Variants in GALNT17 observed in about 807,000 individuals in gnomAD.
GALNT17 encodes UDP-GalNAc:polypeptide N-acetylgalactosaminyltransferase-like 3.
GALNT17 carries 29 observed loss-of-function variants against 63.7 expected under a neutral mutation model. That is an observed-to-expected ratio of 0.46 (90% CI 0.34 to 0.62). The LOEUF (loss-of-function observed/expected upper bound fraction) is 0.62, where lower values mean the gene tolerates loss of function less well. Among genes scored for constraint, GALNT17 ranks in the 20% least tolerant of loss-of-function variants. The pLI, the probability that GALNT17 is intolerant of heterozygous loss-of-function variation, is 0.01. For synonymous variants in GALNT17, 305 were observed against 318.3 expected (o/e 0.96, Z 0.45); for missense variants, 603 against 799.6 (o/e 0.75, Z 2.97).
At chr7:71,287,944 T>C (rs113565616) in intron 1 of GALNT17, among the ~76,000 whole-genome samples, 2,731 of 148,056 alleles carry the variant, frequency 0.018, 75 homozygotes, top group African/African-American at 0.064. Context: ...CCCAGCTACT[T>C]GGGAGGCTGA....
intron 10 of GALNT17, 34 bp downstream of exon 10, chr7:71,710,962 G>T: frequency 6.2e-7 from 1 of 1,606,180 alleles, no homozygotes; most frequent in Non-Finnish European, 8.5e-7. Flanking sequence ...AGCACCCAGA[G>T]TAGCTGCAAG....
intron 6 of GALNT17, among the ~76,000 whole-genome samples, chr7:71,573,898 A>C (rs1789492715): frequency 1.3e-5 from 2 of 152,144 alleles, no homozygotes; most frequent in Admixed American, 1.3e-4. Flanking sequence ...CTCAATGTTC[A>C]GTTCCCACTT....
intron 1 of GALNT17, among the ~76,000 whole-genome samples, chr7:71,225,328 C>A (rs1275473781): frequency 6.6e-6 from 1 of 152,182 alleles, no homozygotes; most frequent in Non-Finnish European, 1.5e-5. Flanking sequence ...GTAGAGCATG[C>A]ACTAGGGATT....
chr7:71,464,306 T>G (rs113056731), intron 5 of GALNT17, among the ~76,000 whole-genome samples: 66 of 152,294 alleles, frequency 4.3e-4, no homozygotes, highest in African/African-American at 1.5e-3. Context: ...TTTTGCAGGA[T>G]TCTTACTAAA....
intron 5 of GALNT17, among the ~76,000 whole-genome samples, chr7:71,569,588 T>C (rs1338068767): frequency 6.6e-6 from 1 of 152,194 alleles, no homozygotes; most frequent in Non-Finnish European, 1.5e-5. Flanking sequence ...ATGCATTGCA[T>C]TTTCAAAGGA....
At chr7:71,268,241 C>T (rs1790525654) in intron 1 of GALNT17, among the ~76,000 whole-genome samples, 1 of 151,988 alleles carries the variant, frequency 6.6e-6, no homozygotes, top group African/African-American at 2.4e-5. Context: ...AGCAAACCCC[C>T]CATACAGATT....
At chr7:71,342,991 ATG>A (rs1792032159) in intron 2 of GALNT17, among the ~76,000 whole-genome samples, 1 of 152,220 alleles carries the variant, frequency 6.6e-6, no homozygotes, top group Non-Finnish European at 1.5e-5. Flanking sequence ...TCTGGCCACT[ATG>A]TGTTGGGTAA....
chr7:71,137,347 G>T (rs937724763), intron 1 of GALNT17, among the ~76,000 whole-genome samples: 1 of 151,106 alleles, frequency 6.6e-6, no homozygotes, highest in South Asian at 2.1e-4. Flanking sequence ...CACCGTGTTC[G>T]CCAGGATGGT....
At chr7:71,567,793 G>A (rs1789374168) in intron 5 of GALNT17, among the ~76,000 whole-genome samples, 1 of 152,154 alleles carries the variant, frequency 6.6e-6, no homozygotes, top group Admixed American at 6.5e-5. Flanking sequence ...AATCTAGAGT[G>A]CTCCATTGAC....
intron 5 of GALNT17, among the ~76,000 whole-genome samples, chr7:71,552,461 G>A (rs1403352324): frequency 6.8e-6 from 1 of 147,490 alleles, no homozygotes; most frequent in Non-Finnish European, 1.5e-5. Flanking sequence ...TTTTTTTTGA[G>A]ATGGAGTCTC....
chr7:71,553,329 TA>T lies in GALNT17; in HGVS notation c.963-17943del, dbSNP rs111305688. The stretch of plus-strand genomic sequence containing the variant: ...GGGACAGAGCAAGACCTTGTCTCTT[TA>T]AAAAAAAAAAAATTTTCCAGCTTTT... On this transcript the variant is annotated intron_variant, in intron 5 of 10. Coordinates refer to ENST00000333538, the MANE Select transcript of GALNT17 (RefSeq NM_022479.3). Among the ~76,000 whole-genome samples, 572 of 146,058 alleles carry T rather than the reference TA, an allele frequency of 3.9e-3. 3 individuals are homozygous for T. The highest frequency in any genetic ancestry group is 7.0e-3 in the Middle Eastern group (2 of 284).
At position 71,526,558 on chromosome 7, in the gene GALNT17, C is replaced by T. The variant is rs143599708; in HGVS notation, c.963-44727C>T. 9.1e-3 allele frequency among the ~76,000 whole-genome samples: 1,385 copies of T among 152,104 alleles called. 11 individuals are homozygous for T. Among genetic ancestry groups the T allele is most frequent in the Non-Finnish European group, 0.014 (981 of 67,982 alleles). Reference sequence around the variant, plus strand: ...TTTTGGAGACAGAGTCTCTCTCTGTCGCCCAGGCTGGAGTGCAGTGGCACG... The same window carrying T: ...TTTTGGAGACAGAGTCTCTCTCTGTTGCCCAGGCTGGAGTGCAGTGGCACG... On this transcript the variant is annotated intron_variant, in intron 5 of 10. Coordinates refer to ENST00000333538, the MANE Select transcript of GALNT17 (RefSeq NM_022479.3).
intron 1 of GALNT17, among the ~76,000 whole-genome samples, chr7:71,176,109 A>T (rs1054591740): frequency 2.6e-5 from 4 of 152,000 alleles, no homozygotes; most frequent in African/African-American, 9.7e-5. Context: ...TGGCCTCGAC[A>T]TGTGGCCTGG....
chr7:71,420,866 G>T, intron 4 of GALNT17, 42 bp from the exon 5 acceptor site: 2 of 1,605,624 alleles, frequency 1.2e-6, no homozygotes, highest in South Asian at 1.1e-5. Context: ...TGTGCCTCAC[G>T]GGAGAGAAGA....
At chr7:71,529,602 G>A (rs1788681251) in intron 5 of GALNT17, among the ~76,000 whole-genome samples, 1 of 152,302 alleles carries the variant, frequency 6.6e-6, no homozygotes, top group East Asian at 1.9e-4. Flanking sequence ...GCTTCCATTT[G>A]GTGGCAGTGA....
chr7:71,257,332 T>A (rs896307650), intron 1 of GALNT17, among the ~76,000 whole-genome samples: 1 of 152,198 alleles, frequency 6.6e-6, no homozygotes. Flanking sequence ...TTAGTCAGGG[T>A]GTCCATTATG....
intron 9 of GALNT17, among the ~76,000 whole-genome samples, chr7:71,701,859 A>G (rs1264624869): frequency 5.4e-4 from 12 of 22,314 alleles, no homozygotes; most frequent in Non-Finnish European, 1.8e-3. Context: ...ATATATACAC[A>G]TATATATATA....
chr7:71,162,115 C>CCCTCCCTTCCTT (rs1788356200), intron 1 of GALNT17, among the ~76,000 whole-genome samples: 16 of 46,286 alleles, frequency 3.5e-4, no homozygotes, highest in African/African-American at 2.5e-3. Flanking sequence ...CTTCCTCCCT[C>CCCTCCCTTCCTT]CCTCCCTCCC....
intron 5 of GALNT17, among the ~76,000 whole-genome samples, chr7:71,506,256 TA>T (rs1788266974): frequency 7.8e-6 from 1 of 127,700 alleles, no homozygotes; most frequent in South Asian, 2.6e-4. Flanking sequence ...ATTTTTATTT[TA>T]TTTTATTTTA....
Sources: allele counts gnomAD v4.1 joint callset (sites outside exome capture counted in the v4.1 genomes callset), GRCh38; gene constraint gnomAD v4.1.1; transcripts MANE v1.5; gene names NCBI Gene and HGNC (gene_info 2026-07-23, HGNC 2026-07-21).